The following CAMK4 variants were observed in gnomAD, a reference collection of about 807,000 sequenced individuals.
CAMK4 encodes calcium/calmodulin-dependent protein kinase type IV.
A neutral mutation model predicts 44.9 loss-of-function variants in CAMK4; 22 were observed. The observed-to-expected ratio is 0.49, with a 90% confidence interval of 0.35 to 0.70. The LOEUF is 0.70. CAMK4 is among the 30% of genes least tolerant of loss of function. The pLI is 0.01. For synonymous variants in CAMK4, 218 were observed against 215.4 expected, an observed-to-expected ratio of 1.01 and a Z score of -0.11; for missense variants, 498 against 586.8, an observed-to-expected ratio of 0.85 and a Z score of 1.56.
At chr5:111,402,990 T>C (rs942622496) in intron 5 of CAMK4, among the ~76,000 whole-genome samples, 2 of 152,382 alleles carry the variant, frequency 1.3e-5, no homozygotes, top group Admixed American at 6.5e-5. Flanking sequence ...AATAAGATAC[T>C]GAACCGTTTT....
intron 2 of CAMK4, among the ~76,000 whole-genome samples, chr5:111,372,875 G>C (rs1379368866): frequency 6.6e-6 from 1 of 152,134 alleles, no homozygotes; most frequent in Non-Finnish European, 1.5e-5. Context: ...ACAGTCACTA[G>C]AGTTAGGTTG....
At position 111,319,038 on chromosome 5, in the gene CAMK4, T is replaced by G. The variant is rs1053555651; in HGVS notation, c.162-24986T>G. ...GCTGGTAAGGAGTTATTCATTCAAT[T>G]TATTTTAAATCTCCAAGCCAGTATT... On this transcript the variant is annotated intron_variant, in intron 1 of 10. Transcript: ENST00000282356. Among the ~76,000 whole-genome samples, 3 of 152,298 alleles carry G rather than the reference T, an allele frequency of 2.0e-5. No individual in the cohort carries two copies. The East Asian group carries it at 5.8e-4, about 29-fold the overall frequency.
Position 111,430,755 on chromosome 5 carries a change from A to C in CAMK4, c.460-15931A>C, listed in dbSNP as rs531139873. Among the ~76,000 whole-genome samples the C allele has an allele frequency of 3.3e-5, 5 of 152,326 alleles. No homozygotes were observed. In the East Asian group the frequency reaches 5.8e-4, roughly 18 times the overall value. On this transcript the variant is annotated intron_variant, in intron 5 of 10. Coordinates refer to ENST00000282356, the MANE Select transcript of CAMK4 (RefSeq NM_001744.6). ...CTGGAAACTTACCCAAGGAAGTGAA[A>C]GATCTCTATAATTACAACCATAAAA...
intron 1 of CAMK4, among the ~76,000 whole-genome samples, chr5:111,321,921 A>G (rs1345319413): frequency 6.6e-6 from 1 of 152,152 alleles, no homozygotes; most frequent in Non-Finnish European, 1.5e-5. Context: ...TAATAAATGC[A>G]TAAAGAATAA....
intron 8 of CAMK4, among the ~76,000 whole-genome samples, chr5:111,474,188 G>C (rs1326104720): frequency 6.6e-6 from 1 of 152,214 alleles, no homozygotes; most frequent in East Asian, 1.9e-4. Context: ...TTGTTGGAAT[G>C]CATAATATTC....
intron 1 of CAMK4, among the ~76,000 whole-genome samples, chr5:111,328,442 C>T (rs950355868): frequency 5.3e-5 from 8 of 151,960 alleles, no homozygotes; most frequent in South Asian, 2.1e-4. Flanking sequence ...AGTCAGGTAG[C>T]GTGATGCCTC....
intron 1 of CAMK4, among the ~76,000 whole-genome samples, chr5:111,343,069 A>G (rs961683132): frequency 6.6e-5 from 10 of 151,632 alleles, no homozygotes; most frequent in Non-Finnish European, 1.2e-4. Context: ...ACCCTTTATT[A>G]CTTTGTGTAT....
chr5:111,344,177 A>G (rs1749767909), intron 2 of CAMK4, 75 bp downstream of exon 2: 2 of 856,558 alleles, frequency 2.3e-6, no homozygotes, highest in South Asian at 2.8e-5. Context: ...GATTTGAAGA[A>G]CAAAGGGGCC....
intron 1 of CAMK4, among the ~76,000 whole-genome samples, chr5:111,296,158 C>T (rs1391699241): frequency 6.6e-6 from 1 of 152,222 alleles, no homozygotes; most frequent in Admixed American, 6.5e-5. Context: ...ACCTCCACCC[C>T]TGTGGGTATG....
rs900284855 is a variant in CAMK4, at chr5:111,491,980, C to T, written c.*7514C>T. 1.3e-5 allele frequency: 2 copies of T among 151,988 alleles called. No homozygotes were observed. Among genetic ancestry groups the T allele is most frequent in the South Asian group, 2.1e-4 (1 of 4,828 alleles). 9.4% of individuals were successfully genotyped at this position (151,988 alleles called of 1,614,324 possible). On this transcript the variant is annotated 3_prime_UTR_variant, in exon 11 of 11. Coordinates refer to ENST00000282356, the MANE Select transcript of CAMK4 (RefSeq NM_001744.6). ...TAAGAAAGCCATTTTCTAATCCCCA[C>T]GCTTTCCTGAGTGTTACGTATTTTA...
In CAMK4 at chr5:111,224,579, C is replaced by T; in HGVS notation, c.96C>T (p.Tyr32=). ...GGACCGCGAGCCTCGTCCCGGATTA[C>T]TGGATCGACGGCTCCAACAGGGATG... The part of the protein sequence containing the change: ...APGTASLVPD[Y]WIDGSNRDAL... Residue 32 remains tyrosine (Y), a synonymous_variant, in exon 1 of 11, where the codon TAC becomes TAT. Transcript: ENST00000282356. This position sits in a 1 kb window ranked among gnomAD's most constrained non-coding sequence, Gnocchi z 5.7. 1 of 1,612,488 alleles carries T rather than the reference C, an allele frequency of 6.2e-7. No individual in the cohort carries two copies. The highest frequency in any genetic ancestry group is 2.2e-5 in the East Asian group (1 of 44,754).
chr5:111,348,575 C>A (rs1219195242), intron 2 of CAMK4, among the ~76,000 whole-genome samples: 7 of 151,772 alleles, frequency 4.6e-5, no homozygotes, highest in Admixed American at 4.6e-4. Flanking sequence ...AATTGGAATG[C>A]ATTAAATTAC....
At position 111,328,521 on chromosome 5, in the gene CAMK4, C is replaced by A. The variant is rs180772601; in HGVS notation, c.162-15503C>A. Among the ~76,000 whole-genome samples the A allele has an allele frequency of 3.3e-3, 497 of 151,878 alleles. 1 individual carries two copies. Among genetic ancestry groups the A allele is most frequent in the African/African-American group, 0.011 (454 of 41,474 alleles). ...TCTTTTTTGGTTCCATATGAACTTT[C>A]AAGTAGTTTTTTCCGAATCTGTGAA... On this transcript the variant is annotated intron_variant, in intron 1 of 10. Coordinates refer to ENST00000282356, the MANE Select transcript of CAMK4 (RefSeq NM_001744.6).
intron 1 of CAMK4, among the ~76,000 whole-genome samples, chr5:111,297,717 C>T (rs1477135341): frequency 6.6e-6 from 1 of 152,156 alleles, no homozygotes; most frequent in East Asian, 1.9e-4. Context: ...AGATTTATCT[C>T]ATTTTTCCCG....
chr5:111,363,146 A>G (rs927097167), intron 2 of CAMK4, among the ~76,000 whole-genome samples: 4 of 152,068 alleles, frequency 2.6e-5, no homozygotes, highest in Non-Finnish European at 5.9e-5. Flanking sequence ...TCACCTGTGC[A>G]TTAATAATTT....
intron 4 of CAMK4, among the ~76,000 whole-genome samples, chr5:111,389,766 C>G (rs1025338471): frequency 1.3e-5 from 2 of 152,184 alleles, no homozygotes; most frequent in African/African-American, 4.8e-5. Context: ...AGCTATTCTT[C>G]TCCATCATCT....
At chr5:111,249,440 A>G (rs1749381619) in intron 1 of CAMK4, among the ~76,000 whole-genome samples, 1 of 151,026 alleles carries the variant, frequency 6.6e-6, no homozygotes, top group East Asian at 1.9e-4. Context: ...ATTTGAATAT[A>G]ATTATATGTA....
intron 1 of CAMK4, among the ~76,000 whole-genome samples, chr5:111,251,079 T>G (rs2112540566): frequency 6.6e-6 from 1 of 152,366 alleles, no homozygotes; most frequent in East Asian, 1.9e-4. Context: ...AAAACTGGCT[T>G]CAAAAGTGGG....
chr5:111,243,609 T>A (rs1025078939), intron 1 of CAMK4, among the ~76,000 whole-genome samples: 1 of 152,184 alleles, frequency 6.6e-6, no homozygotes. Flanking sequence ...ACTAGCCCTA[T>A]CATGGGAAAG....
Sources: gnomAD v4.1 joint callset for allele counts (sites outside exome capture counted in the v4.1 genomes callset) on GRCh38, gnomAD v4.1.1 for gene constraint, Gnocchi (gnomAD v3.1) non-coding constraint, MANE v1.5 for transcripts, NCBI Gene and HGNC (gene_info 2026-07-23, HGNC 2026-07-21) for gene names.